The following EVC variants were observed in gnomAD, a reference collection of about 807,000 sequenced individuals.
EVC encodes evC complex member EVC.
In EVC, 116 loss-of-function variants were observed where a neutral mutation model predicts 118.9. The observed-to-expected ratio is 0.98, with a 90% CI of 0.84 to 1.14. The LOEUF (loss-of-function observed/expected upper bound fraction) is 1.14. Ranked by LOEUF, EVC falls within the 50% of genes most tolerant of loss-of-function variation. The pLI is 0.00. For synonymous variants in EVC, 619 were observed against 534.7 expected (o/e 1.16, Z -2.18); for missense variants, 1,401 against 1,246.4 (o/e 1.12, Z -1.87).
rs1047367735 is a variant in EVC at position 5,754,875 on chromosome 4, C to T, written c.1464+942C>T. ...CCTGGGTCCGCCTGCCCTCCGTCAACACTTGGTACAGCACATCTCAGTTCT... is the reference window on the plus strand; with the variant it reads ...CCTGGGTCCGCCTGCCCTCCGTCAATACTTGGTACAGCACATCTCAGTTCT... On this transcript the variant is annotated intron_variant, in intron 10 of 20. Transcript: ENST00000264956. This position sits in a 1 kb window ranked among gnomAD's most constrained non-coding sequence, Gnocchi z 5.8. Among the ~76,000 whole-genome samples the T allele has an allele frequency of 2.0e-5, 3 of 152,182 alleles. No individual in the cohort carries two copies. Among genetic ancestry groups the T allele is most frequent in the Admixed American group, 6.5e-5 (1 of 15,294 alleles).
At chr4:5,715,503 G>A (rs1305819420) in intron 1 of EVC, among the ~76,000 whole-genome samples, 1 of 152,174 alleles carries the variant, frequency 6.6e-6, no homozygotes, top group Non-Finnish European at 1.5e-5. Flanking sequence ...AGTTTCTCAC[G>A]TCTCTTCTGG....
At chr4:5,768,730 G>A (rs1577503488) in intron 11 of EVC, among the ~76,000 whole-genome samples, 1 of 151,860 alleles carries the variant, frequency 6.6e-6, no homozygotes, top group Non-Finnish European at 1.5e-5. Flanking sequence ...GGTGGTGGGT[G>A]CCTGTTATCC....
At chr4:5,776,044 A>G (rs1027168753) in intron 11 of EVC, among the ~76,000 whole-genome samples, 3 of 152,066 alleles carry the variant, frequency 2.0e-5, no homozygotes, top group African/African-American at 7.2e-5. Flanking sequence ...AATCAAGTTA[A>G]GGAAGTTTCT....
In EVC at chr4:5,737,075, C is replaced by T. The variant is rs898688688; in HGVS notation, c.702+3640C>T. Among the ~76,000 whole-genome samples, 4 of 152,158 alleles carry T rather than the reference C, an allele frequency of 2.6e-5. No homozygotes were observed. The highest frequency in any genetic ancestry group is 6.5e-5 in the Admixed American group (1 of 15,274). On this transcript the variant is annotated intron_variant, in intron 5 of 20. Transcript: ENST00000264956. This position sits in a 1 kb window ranked among gnomAD's most constrained non-coding sequence, Gnocchi z 5.0. Reference sequence around the variant, plus strand: ...TAAAAGTGCTACGCCAGTGAACACACGAATGATCAGAAAGCAAAACAACCT... The same window carrying T: ...TAAAAGTGCTACGCCAGTGAACACATGAATGATCAGAAAGCAAAACAACCT...
At chr4:5,721,127 T>C (rs1724893267) in intron 2 of EVC, among the ~76,000 whole-genome samples, 1 of 152,088 alleles carries the variant, frequency 6.6e-6, no homozygotes, top group Non-Finnish European at 1.5e-5. Context: ...CCCTCCTCTC[T>C]CTCTACTGCT....
chr4:5,808,136 T>TACCAACCAAA, intron 17 of EVC, 65 bp from the exon 18 acceptor site: 1 of 306,556 alleles, frequency 3.3e-6, no homozygotes. Flanking sequence ...TCCTTCTCCC[T>TACCAACCAAA]CCCTCCCTCC....
At chr4:5,821,453 T>A in the EVC span, 1 of 380,828 alleles carries the variant, frequency 2.6e-6, no homozygotes, top group Non-Finnish European at 4.8e-6. The surrounding 1 kb of genome is among the most constrained non-coding windows in gnomAD (Gnocchi z 4.4). Context: ...ATGGAGCCAG[T>A]GGAGTTAGAA....
intron 11 of EVC, among the ~76,000 whole-genome samples, chr4:5,780,020 A>G (rs963418952): frequency 6.6e-6 from 1 of 152,154 alleles, no homozygotes; most frequent in Non-Finnish European, 1.5e-5. Context: ...CGTCCCATCA[A>G]TACCTAATTG....
intron 11 of EVC, among the ~76,000 whole-genome samples, chr4:5,762,409 A>T (rs1732206792): frequency 7.5e-6 from 1 of 134,184 alleles, no homozygotes; most frequent in Admixed American, 7.4e-5. Context: ...TCCTTTGGGT[A>T]TATACCCAGT....
At chr4:5,748,377 A>G (rs1314764869) in intron 8 of EVC, 71 bp downstream of exon 8, 3 of 1,537,766 alleles carry the variant, frequency 2.0e-6, no homozygotes, top group Non-Finnish European at 2.7e-6. Flanking sequence ...GAGGCTTGAC[A>G]TCCTTAAATC....
chr4:5,814,860 A>G (rs1052926254), downstream of EVC, among the ~76,000 whole-genome samples: 4 of 151,936 alleles, frequency 2.6e-5, no homozygotes, highest in Non-Finnish European at 5.9e-5. Flanking sequence ...CCAACCCTGA[A>G]CAACATCAGG....
chr4:5,736,834 C>A (rs1359712675), intron 5 of EVC, among the ~76,000 whole-genome samples: 1 of 152,148 alleles, frequency 6.6e-6, no homozygotes, highest in African/African-American at 2.4e-5. Context: ...TTTCTTGAGA[C>A]ACAGTAATAT....
rs187457187 is a variant in EVC at position 5,733,357 on chromosome 4, C to G, written c.624C>G (p.Asp208Glu). 6.2e-7 allele frequency: 1 copy of G among 1,613,528 alleles called. No individual in the cohort carries two copies. The highest frequency in any genetic ancestry group is 2.2e-5 in the East Asian group (1 of 44,872). ...FPEVLACESV[D>E]VDLCIYSLHL... ...TTCTCATTTTATTTTGCAGTGTAGA[C>G]GTTGACCTGTGTATCTACAGCCTTC... The change falls in exon 5 of 21, where the codon GAC (aspartate) becomes GAG (glutamate). Residue 208 changes from aspartate (D) to glutamate (E), a missense_variant. Asp to Glu is a conservative substitution (Grantham distance 45). Coordinates refer to ENST00000264956, the MANE Select transcript of EVC (RefSeq NM_153717.3).
rs1716865374 is a variant in EVC at position 5,811,205 on chromosome 4, G to A, written c.*168G>A. On this transcript the variant is annotated 3_prime_UTR_variant, in exon 21 of 21. Transcript: ENST00000264956. ...AGAAATGTGCCCTAAAAGCATAAATGAGTATCACCTGAGAAAATTAGGCAT... is the reference window on the plus strand; with the variant it reads ...AGAAATGTGCCCTAAAAGCATAAATAAGTATCACCTGAGAAAATTAGGCAT... 1.6e-6 allele frequency: 1 copy of A among 629,612 alleles called. No homozygotes were observed. The highest frequency in any genetic ancestry group is 2.8e-6 in the Non-Finnish European group (1 of 353,394). The allele number at this position is 629,612 out of a possible 1,614,324, so 39.0% of individuals were successfully genotyped here. A position where few individuals can be genotyped will look rare whatever the true frequency, so the allele number is the denominator to read the frequency against.
chr4:5,721,413 CAT>C lies in EVC; in HGVS notation c.300+2041_300+2042del, dbSNP rs534424177. 1.9e-3 allele frequency among the ~76,000 whole-genome samples: 283 copies of C among 152,314 alleles called. 1 individual carries two copies. Among genetic ancestry groups the C allele is most frequent in the African/African-American group, 6.3e-3 (261 of 41,560 alleles). On this transcript the variant is annotated intron_variant, in intron 2 of 20. Coordinates refer to ENST00000264956, the MANE Select transcript of EVC (RefSeq NM_153717.3). Reference sequence around the variant, plus strand: ...GAAAGAAGCCACTCACAAAAGACCACATGTTATAGGATTCCATTCCTGTGAAA... The same window carrying C: ...GAAAGAAGCCACTCACAAAAGACCACGTTATAGGATTCCATTCCTGTGAAA...
chr4:5,745,333 A>G lies in EVC; in HGVS notation c.931A>G (p.Ile311Val). Residue 311 changes from isoleucine (I) to valine (V), a missense_variant, in exon 7 of 21, where the codon ATC (isoleucine) becomes GTC (valine). Physicochemically the swap from Ile to Val is conservative, Grantham distance 29. Coordinates refer to ENST00000264956, the MANE Select transcript of EVC (RefSeq NM_153717.3). ...KKEREYSEQL[I>V]DNMEAFWKQM... ...GGAGAGAGAATACTCTGAACAGCTA[A>G]TCGATAATGTGCGTGCCAGACTTTC... 6.2e-7 allele frequency: 1 copy of G among 1,613,998 alleles called. No individual in the cohort carries two copies. The highest frequency in any genetic ancestry group is 8.5e-7 in the Non-Finnish European group (1 of 1,179,952).
chr4:5,734,394 G>A (rs982866922), intron 5 of EVC, among the ~76,000 whole-genome samples: 2 of 152,026 alleles, frequency 1.3e-5, no homozygotes, highest in Non-Finnish European at 2.9e-5. Context: ...TAATATCAGG[G>A]TTTGGGAGGC....
At chr4:5,748,096 T>C in intron 7 of EVC, 52 bp from the exon 8 acceptor site, 1 of 1,611,334 alleles carries the variant, frequency 6.2e-7, no homozygotes, top group African/African-American at 1.3e-5. Flanking sequence ...CCGTTTGGCT[T>C]TCTTAAGTAA....
chr4:5,776,598 G>C (rs1734753925), intron 11 of EVC, among the ~76,000 whole-genome samples: 1 of 152,092 alleles, frequency 6.6e-6, no homozygotes, highest in Non-Finnish European at 1.5e-5. Flanking sequence ...CTTCTACCCA[G>C]ACTTGCCCTC....
Sources: gnomAD v4.1 joint callset for allele counts (sites outside exome capture counted in the v4.1 genomes callset) on GRCh38, gnomAD v4.1.1 for gene constraint, Gnocchi (gnomAD v3.1) non-coding constraint, MANE v1.5 for transcripts, NCBI Gene and HGNC (gene_info 2026-07-23, HGNC 2026-07-21) for gene names.